ENTREP2: variants seen among roughly 807,000 people sequenced by gnomAD.
ENTREP2 encodes protein ENTREP2.
At chr15:29,182,921 C>G in the ENTREP2 span, among the ~76,000 whole-genome samples, 1 of 151,990 alleles carries the variant, frequency 6.6e-6, no homozygotes, top group African/African-American at 2.4e-5. Context: ...TATCCATACA[C>G]AAAAATAAAT....
chr15:29,434,587 A>G, the ENTREP2 span, among the ~76,000 whole-genome samples: 1 of 152,188 alleles, frequency 6.6e-6, no homozygotes, highest in Non-Finnish European at 1.5e-5. Context: ...ATGGTGCAAA[A>G]TAAACCATGA....
the ENTREP2 span, among the ~76,000 whole-genome samples, chr15:29,251,806 C>T: frequency 7.1e-6 from 1 of 140,076 alleles, no homozygotes; most frequent in African/African-American, 2.6e-5. Context: ...TTATGTGTGG[C>T]CCAAGACAAT....
At chr15:29,330,165 G>A in the ENTREP2 span, among the ~76,000 whole-genome samples, 10 of 152,130 alleles carry the variant, frequency 6.6e-5, no homozygotes, top group Admixed American at 5.2e-4. Context: ...TTGGCCGAGC[G>A]CGGCAGCTCA....
At chr15:29,364,724 A>C in the ENTREP2 span, among the ~76,000 whole-genome samples, 3 of 152,202 alleles carry the variant, frequency 2.0e-5, no homozygotes, top group African/African-American at 7.2e-5. Context: ...TGATGCCTTT[A>C]AAAATTTTTT....
the ENTREP2 span, among the ~76,000 whole-genome samples, chr15:29,133,086 C>T: frequency 6.6e-6 from 1 of 152,180 alleles, no homozygotes; most frequent in Non-Finnish European, 1.5e-5. Context: ...ATGGAGCTTC[C>T]CATTGCACCC....
the ENTREP2 span, among the ~76,000 whole-genome samples, chr15:29,437,584 A>G: frequency 3.3e-5 from 5 of 152,212 alleles, no homozygotes; most frequent in African/African-American, 1.2e-4. Context: ...ATTATCCTTC[A>G]TCAGGGTCAT....
chr15:29,183,156 A>G, the ENTREP2 span, among the ~76,000 whole-genome samples: 2 of 152,230 alleles, frequency 1.3e-5, no homozygotes, highest in South Asian at 2.1e-4. Flanking sequence ...ATGATGCCCA[A>G]AACAACTTTG....
the ENTREP2 span, among the ~76,000 whole-genome samples, chr15:29,213,463 C>T: frequency 6.6e-6 from 1 of 152,082 alleles, no homozygotes; most frequent in Non-Finnish European, 1.5e-5. Flanking sequence ...TCTTTTATTT[C>T]TTTGAGCAGT....
chr15:29,175,458 T>C, the ENTREP2 span, among the ~76,000 whole-genome samples: 1 of 152,234 alleles, frequency 6.6e-6, no homozygotes, highest in Non-Finnish European at 1.5e-5. Context: ...TCAGGCCTCA[T>C]GCATGAATGC....
chr15:29,480,050 T>C, the ENTREP2 span, among the ~76,000 whole-genome samples: 1 of 152,166 alleles, frequency 6.6e-6, no homozygotes, highest in African/African-American at 2.4e-5. Flanking sequence ...TACGCAAATT[T>C]GGGCTGCACT....
chr15:29,339,850 T>C, the ENTREP2 span, among the ~76,000 whole-genome samples: 1 of 152,372 alleles, frequency 6.6e-6, no homozygotes, highest in South Asian at 2.1e-4. Flanking sequence ...GTGAAGGTGC[T>C]GCCCAGTAGG....
At chr15:29,221,213 T>C in the ENTREP2 span, among the ~76,000 whole-genome samples, 16 of 152,156 alleles carry the variant, frequency 1.1e-4, no homozygotes, top group East Asian at 3.1e-3. Flanking sequence ...ACTTTTTTTT[T>C]TTTTTTGAGA....
the ENTREP2 span, chr15:29,269,778 C>T: frequency 7.4e-7 from 1 of 1,351,810 alleles, no homozygotes; most frequent in Middle Eastern, 2.4e-4. Context: ...GTCGGCGACC[C>T]GCTAACGCCG....
At chr15:29,572,494 G>A in the ENTREP2 span, among the ~76,000 whole-genome samples, 7 of 150,662 alleles carry the variant, frequency 4.6e-5, no homozygotes, top group Admixed American at 1.3e-4. Context: ...TCATTCATCC[G>A]TTCATTCATT....
the ENTREP2 span, among the ~76,000 whole-genome samples, chr15:29,587,451 A>T: frequency 6.6e-6 from 1 of 152,172 alleles, no homozygotes; most frequent in African/African-American, 2.4e-5. Flanking sequence ...CTGAGTGCCA[A>T]TAAGAATACT....
At chr15:29,483,127 C>G in the ENTREP2 span, among the ~76,000 whole-genome samples, 3 of 152,166 alleles carry the variant, frequency 2.0e-5, no homozygotes, top group Admixed American at 2.0e-4. Flanking sequence ...TATTTGACAA[C>G]TGTATATCTT....
At chr15:29,320,118 A>C in the ENTREP2 span, among the ~76,000 whole-genome samples, 2 of 152,212 alleles carry the variant, frequency 1.3e-5, no homozygotes, top group Non-Finnish European at 2.9e-5. Flanking sequence ...CAGGAATAAA[A>C]GGCTAGAAAC....
the ENTREP2 span, among the ~76,000 whole-genome samples, chr15:29,172,910 C>T: frequency 1.3e-5 from 2 of 152,118 alleles, no homozygotes; most frequent in African/African-American, 2.4e-5. Flanking sequence ...TAGCCTAAGT[C>T]GGCTCCTGTC....
the ENTREP2 span, among the ~76,000 whole-genome samples, chr15:29,136,667 T>G: frequency 6.6e-6 from 1 of 151,680 alleles, no homozygotes; most frequent in Non-Finnish European, 1.5e-5. Context: ...CACTTTTGTT[T>G]TTTTTTTTTT....
Sources: allele counts gnomAD v4.1 joint callset (sites outside exome capture counted in the v4.1 genomes callset), GRCh38; gene constraint gnomAD v4.1.1; transcripts MANE v1.5; gene names NCBI Gene and HGNC (gene_info 2026-07-23, HGNC 2026-07-21).